PRKCA: variants seen among roughly 807,000 people sequenced by gnomAD.
PRKCA encodes protein kinase C alpha.
Under a neutral mutation model 87.0 loss-of-function variants are expected in PRKCA, and 27 were observed. The observed-to-expected ratio is 0.31, with a 90% CI of 0.23 to 0.43. The LOEUF (loss-of-function observed/expected upper bound fraction) is 0.43. PRKCA is among the 20% of genes least tolerant of loss of function. The pLI is 1.00. For synonymous variants in PRKCA, 329 were observed against 311.1 expected, an observed-to-expected ratio of 1.06 and a Z score of -0.61; for missense variants, 518 against 852.3, an observed-to-expected ratio of 0.61 and a Z score of 4.88.
chr17:66,699,141 G>T (rs1239426021), intron 8 of PRKCA, among the ~76,000 whole-genome samples: 1 of 150,454 alleles, frequency 6.6e-6, no homozygotes, highest in African/African-American at 2.5e-5. Flanking sequence ...TGAGGCTGTG[G>T]AGCAGCTTCG....
At chr17:66,421,043 G>A (rs573478742) in intron 2 of PRKCA, among the ~76,000 whole-genome samples, 2 of 152,324 alleles carry the variant, frequency 1.3e-5, no homozygotes, top group East Asian at 3.9e-4. Context: ...TGACTGTCTG[G>A]TGACGGAGTC....
chr17:66,776,794 T>C (rs1311223187), intron 14 of PRKCA, among the ~76,000 whole-genome samples: 1 of 152,220 alleles, frequency 6.6e-6, no homozygotes, highest in East Asian at 1.9e-4. Context: ...CTCCCCTGAT[T>C]CTTCCCTTGG....
chr17:66,407,039 A>G, intron 2 of PRKCA, among the ~76,000 whole-genome samples: 1 of 152,190 alleles, frequency 6.6e-6, no homozygotes, highest in East Asian at 1.9e-4. Flanking sequence ...CTGGGTTTTA[A>G]TATTTTTACA....
In PRKCA at chr17:66,424,530, G is replaced by A. The variant is rs1337442844; in HGVS notation, c.206-71671G>A. Among the ~76,000 whole-genome samples the A allele has an allele frequency of 2.7e-5, 4 of 147,420 alleles. No homozygotes were observed. In the East Asian group the frequency reaches 6.1e-4, roughly 23 times the overall value. Reference sequence around the variant, plus strand: ...TGCACTGACCTGAGATGGCACCACTGCACTATAGCCGAGGCAGCAGAGCAC... The same window carrying A: ...TGCACTGACCTGAGATGGCACCACTACACTATAGCCGAGGCAGCAGAGCAC... On this transcript the variant is annotated intron_variant, in intron 2 of 16. Coordinates refer to ENST00000413366, the MANE Select transcript of PRKCA (RefSeq NM_002737.3).
In PRKCA at chr17:66,631,813, A is replaced by G. The variant is rs1273095055; in HGVS notation, c.289-9542A>G. Among the ~76,000 whole-genome samples, 6 of 152,344 alleles carry G rather than the reference A, an allele frequency of 3.9e-5. No individual in the cohort carries two copies. In the South Asian group the frequency reaches 1.2e-3, roughly 32 times the overall value. On this transcript the variant is annotated intron_variant, in intron 3 of 16. Coordinates refer to ENST00000413366, the MANE Select transcript of PRKCA (RefSeq NM_002737.3). ...TATCAAAACATGACATGTACCCCGT[A>G]AATATATACACCTATGTACTCACAA...
intron 3 of PRKCA, among the ~76,000 whole-genome samples, chr17:66,613,829 C>T (rs1970443262): frequency 7.5e-6 from 1 of 132,466 alleles, no homozygotes; most frequent in African/African-American, 2.9e-5. Flanking sequence ...GCTCTGTCAC[C>T]CAAGCTGTAG....
chr17:66,581,795 C>T (rs1013553317), intron 3 of PRKCA, among the ~76,000 whole-genome samples: 1 of 152,150 alleles, frequency 6.6e-6, no homozygotes, highest in South Asian at 2.1e-4. Flanking sequence ...AGTTTTTAAA[C>T]ACTGATCTAA....
intron 3 of PRKCA, among the ~76,000 whole-genome samples, chr17:66,565,507 A>T (rs984160690): frequency 6.6e-6 from 1 of 152,178 alleles, no homozygotes; most frequent in Non-Finnish European, 1.5e-5. Flanking sequence ...GTAGCTCCAC[A>T]ATTATAACGT....
At chr17:66,760,869 C>T (rs977436341) in intron 13 of PRKCA, among the ~76,000 whole-genome samples, 14 of 152,174 alleles carry the variant, frequency 9.2e-5, no homozygotes, top group African/African-American at 3.1e-4. Flanking sequence ...TAAACAATTG[C>T]AAACACTGCT....
At chr17:66,574,981 A>G (rs1486728905) in intron 3 of PRKCA, among the ~76,000 whole-genome samples, 2 of 152,170 alleles carry the variant, frequency 1.3e-5, no homozygotes, top group African/African-American at 4.8e-5. Context: ...ATGAAATTTC[A>G]CTTATCGGGA....
intron 3 of PRKCA, among the ~76,000 whole-genome samples, chr17:66,531,602 A>C (rs1967543801): frequency 6.6e-6 from 1 of 152,108 alleles, no homozygotes; most frequent in Non-Finnish European, 1.5e-5. Context: ...ATTTTTACAG[A>C]GTGCCCTGTT....
At chr17:66,310,824 G>A (rs541027876) in intron 2 of PRKCA, among the ~76,000 whole-genome samples, 1 of 152,264 alleles carries the variant, frequency 6.6e-6, no homozygotes, top group African/African-American at 2.4e-5. Flanking sequence ...GTCCTCATCC[G>A]CCACGGTGTT....
intron 3 of PRKCA, among the ~76,000 whole-genome samples, chr17:66,570,177 C>G (rs1323060954): frequency 6.6e-6 from 1 of 152,190 alleles, no homozygotes; most frequent in Non-Finnish European, 1.5e-5. Flanking sequence ...AGAGGCAACA[C>G]TCATCTCTAG....
chr17:66,649,224 T>A (rs1184485480), intron 5 of PRKCA, among the ~76,000 whole-genome samples: 3 of 152,234 alleles, frequency 2.0e-5, no homozygotes, highest in African/African-American at 7.2e-5. Context: ...CAAGTGGTAC[T>A]AAGCAGAGCC....
chr17:66,348,776 G>T (rs977054820), intron 2 of PRKCA, among the ~76,000 whole-genome samples: 1 of 152,140 alleles, frequency 6.6e-6, no homozygotes, highest in Non-Finnish European at 1.5e-5. Flanking sequence ...AACAGCAGAG[G>T]GGGAGGGCAG....
chr17:66,786,846 CT>C lies in PRKCA; in HGVS notation c.1606-18del. 1.3e-6 allele frequency: 2 copies of C among 1,595,574 alleles called. No homozygotes were observed. Among genetic ancestry groups the C allele is most frequent in the Non-Finnish European group, 1.7e-6 (2 of 1,163,402 alleles). On this transcript the variant is annotated intron_variant, in intron 14 of 16. Transcript: ENST00000413366. ...TTACTCTGCCTAAATACTTTCCCAT[CT>C]TTCTTTTTTTCCGGAACAGCCTCCA...
At chr17:66,645,816 G>C (rs1394312025) in intron 5 of PRKCA, among the ~76,000 whole-genome samples, 1 of 152,170 alleles carries the variant, frequency 6.6e-6, no homozygotes, top group Non-Finnish European at 1.5e-5. Context: ...GGTGACAGGG[G>C]GTCAGGGGAG....
intron 2 of PRKCA, among the ~76,000 whole-genome samples, chr17:66,323,667 C>T (rs1261230543): frequency 1.3e-5 from 2 of 152,106 alleles, no homozygotes; most frequent in African/African-American, 2.4e-5. Flanking sequence ...CAGATGGGCA[C>T]GGTGGCTCAT....
chr17:66,518,895 T>C (rs769586617), intron 3 of PRKCA, among the ~76,000 whole-genome samples: 7 of 152,196 alleles, frequency 4.6e-5, no homozygotes, highest in Non-Finnish European at 1.0e-4. Flanking sequence ...AGGGACTCCC[T>C]GAAATGGAGA....
Sources: gnomAD v4.1 joint callset for allele counts (sites outside exome capture counted in the v4.1 genomes callset) on GRCh38, gnomAD v4.1.1 for gene constraint, MANE v1.5 for transcripts, NCBI Gene and HGNC (gene_info 2026-07-23, HGNC 2026-07-21) for gene names.